Variants in PRKCB observed in about 807,000 individuals in gnomAD.
PRKCB encodes protein kinase C beta type.
Under a neutral mutation model 81.5 loss-of-function variants are expected in PRKCB, and 13 were observed. The ratio of observed to expected loss-of-function variants is 0.16; its 90% CI spans 0.10 to 0.25. The LOEUF (loss-of-function observed/expected upper bound fraction) is 0.25. PRKCB is among the 10% of genes least tolerant of loss of function. The pLI, the probability that PRKCB is intolerant of heterozygous loss-of-function variation, is 1.00. For missense variants in PRKCB, 509 were observed against 875.7 expected, an observed-to-expected ratio of 0.58 and a Z score of 5.29; for synonymous variants, 335 against 321.4, an observed-to-expected ratio of 1.04 and a Z score of -0.45.
intron 11 of PRKCB, 185 bp from the exon 12 acceptor site, chr16:24,174,333 C>T (rs945648041): frequency 1.7e-6 from 1 of 574,658 alleles, no homozygotes; most frequent in Admixed American, 3.0e-5. Context: ...AAGGCAACCC[C>T]ATCACCCTCT....
rs1015409 is a variant in PRKCB, at chr16:24,199,189, G to A, written c.1863+7959G>A. On this transcript the variant is annotated intron_variant, in intron 16 of 16. Transcript: ENST00000643927. ...GCTATCTGATCACATCCCATTGCCC[G>A]TATCCTCTGAGAGTCTAAATGCTGA... 8.3e-3 allele frequency among the ~76,000 whole-genome samples: 1,258 copies of A among 152,262 alleles called. 18 individuals are homozygous for A. The highest frequency in any genetic ancestry group is 0.029 in the African/African-American group (1,187 of 41,534).
rs1273905908 is a variant in PRKCB at position 24,099,080 on chromosome 16, G to A, written c.821+4783G>A. 3.9e-5 allele frequency: 6 copies of A among 152,062 alleles called. No individual in the cohort carries two copies. The East Asian group carries it at 1.2e-3, about 29-fold the overall frequency. The allele number at this position is 152,062 out of a possible 1,614,324, so 9.4% of individuals were successfully genotyped here. A position where few individuals can be genotyped will look rare whatever the true frequency, so the allele number is the denominator to read the frequency against. On this transcript the variant is annotated intron_variant, in intron 7 of 16. Coordinates refer to ENST00000643927, the MANE Select transcript of PRKCB (RefSeq NM_002738.7). ...CTCAGGGGGTATCAGTGTGACAGGA[G>A]GAAACATAATAATAATAATTATAAT... is the stretch of plus-strand genomic sequence containing the variant.
chr16:23,957,482 A>G (rs1159842695), intron 2 of PRKCB, among the ~76,000 whole-genome samples: 2 of 152,130 alleles, frequency 1.3e-5, no homozygotes, highest in African/African-American at 4.8e-5. Flanking sequence ...CCCAGGAGAG[A>G]GAAGATTGAA....
chr16:24,115,421 G>A (rs1279417892), intron 8 of PRKCB, among the ~76,000 whole-genome samples: 1 of 150,648 alleles, frequency 6.6e-6, no homozygotes, highest in Non-Finnish European at 1.5e-5. Flanking sequence ...TTTATCCCAA[G>A]AGCATTTACC....
intron 9 of PRKCB, among the ~76,000 whole-genome samples, chr16:24,130,118 C>T (rs970707770): frequency 1.8e-4 from 28 of 152,122 alleles, no homozygotes; most frequent in African/African-American, 6.5e-4. Context: ...GCATGTATAC[C>T]ATTTAACCAG....
chr16:23,988,650 A>G, intron 3 of PRKCB, 60 bp downstream of exon 3: 1 of 1,437,332 alleles, frequency 7.0e-7, no homozygotes, highest in Non-Finnish European at 9.8e-7. Flanking sequence ...TTGTGATTAA[A>G]TGTGAGTGAG....
chr16:24,023,909 A>C (rs1393714215), intron 3 of PRKCB, among the ~76,000 whole-genome samples: 1 of 152,166 alleles, frequency 6.6e-6, no homozygotes, highest in African/African-American at 2.4e-5. Context: ...GTCTGTGGGC[A>C]GTCCCTGAGC....
intron 9 of PRKCB, among the ~76,000 whole-genome samples, chr16:24,128,834 T>C (rs1966848937): frequency 6.6e-6 from 1 of 152,198 alleles, no homozygotes; most frequent in Non-Finnish European, 1.5e-5. Flanking sequence ...GTGCTTAGAA[T>C]TTTATCCTTA....
intron 2 of PRKCB, among the ~76,000 whole-genome samples, chr16:23,923,214 C>T (rs1963850955): frequency 6.6e-6 from 1 of 152,174 alleles, no homozygotes; most frequent in East Asian, 1.9e-4. Flanking sequence ...CCAAGGGTAG[C>T]TGCCTTCAGG....
At chr16:24,083,339 T>C (rs1966273319) in intron 5 of PRKCB, among the ~76,000 whole-genome samples, 1 of 152,190 alleles carries the variant, frequency 6.6e-6, no homozygotes, top group African/African-American at 2.4e-5. Context: ...CACTCCTAGT[T>C]ATTTATCTTA....
At chr16:24,168,541 CTTTTTTTTTTT>C (rs56671761) in intron 10 of PRKCB, among the ~76,000 whole-genome samples, 2,029 of 76,398 alleles carry the variant, frequency 0.027, 39 homozygotes, top group African/African-American at 0.047. Flanking sequence ...TCTTCTTCTA[CTTTTTTTTTTT>C]TTTTTTTTTT....
chr16:24,017,571 C>T (rs771119591), intron 3 of PRKCB, among the ~76,000 whole-genome samples: 1 of 152,024 alleles, frequency 6.6e-6, no homozygotes, highest in Non-Finnish European at 1.5e-5. Flanking sequence ...AATTAAAAGG[C>T]AAATGAGAAA....
chr16:23,893,111 A>G (rs1438421361), intron 2 of PRKCB: 1 of 152,194 alleles, frequency 6.6e-6, no homozygotes, highest in African/African-American at 2.4e-5. Flanking sequence ...TCTCCAGTCC[A>G]CTACCTGAAT....
chr16:24,037,861 TA>T (rs10718229), intron 5 of PRKCB, among the ~76,000 whole-genome samples: 35,858 of 130,696 alleles, frequency 0.27, 4,352 homozygotes, highest in Middle Eastern at 0.31. Context: ...ACAAGACGTT[TA>T]AAAAAAAAAA....
At chr16:23,953,150 G>A (rs755249001) in intron 2 of PRKCB, among the ~76,000 whole-genome samples, 101 of 152,246 alleles carry the variant, frequency 6.6e-4, no homozygotes, top group Non-Finnish European at 2.4e-4. Flanking sequence ...TTGAAGGTAC[G>A]CAGTCAATGA....
intron 5 of PRKCB, among the ~76,000 whole-genome samples, chr16:24,055,630 G>A (rs576296590): frequency 6.6e-6 from 1 of 152,322 alleles, no homozygotes; most frequent in African/African-American, 2.4e-5. Context: ...CGTTGTTGGA[G>A]AAATCCCGAC....
chr16:23,945,976 T>C (rs1489796205), intron 2 of PRKCB, among the ~76,000 whole-genome samples: 1 of 152,208 alleles, frequency 6.6e-6, no homozygotes, highest in Non-Finnish European at 1.5e-5. Flanking sequence ...GAAAAACTCA[T>C]GCTTCTTTCT....
chr16:23,858,084 CGTT>C (rs1404769935), intron 2 of PRKCB, among the ~76,000 whole-genome samples: 3 of 146,788 alleles, frequency 2.0e-5, no homozygotes, highest in Non-Finnish European at 4.4e-5. Flanking sequence ...GTGACAATGA[CGTT>C]GATGATGAGG....
chr16:24,039,688 T>C (rs1965674987), intron 5 of PRKCB, among the ~76,000 whole-genome samples: 1 of 152,172 alleles, frequency 6.6e-6, no homozygotes, highest in East Asian at 1.9e-4. Flanking sequence ...AGGACAGTTA[T>C]CTGGACATAG....
Sources: allele counts gnomAD v4.1 joint callset (sites outside exome capture counted in the v4.1 genomes callset), GRCh38; gene constraint gnomAD v4.1.1; transcripts MANE v1.5; gene names NCBI Gene and HGNC (gene_info 2026-07-23, HGNC 2026-07-21).